Variants in CHN2 observed in about 807,000 individuals in gnomAD.
CHN2 encodes chimerin 2, also known as beta-chimaerin.
CHN2 carries 35 observed loss-of-function variants against 56.3 expected under a neutral mutation model. The ratio of observed to expected loss-of-function variants is 0.62; its 90% CI spans 0.47 to 0.82. CHN2 has a LOEUF of 0.82. CHN2 is among the 40% of genes least tolerant of loss of function. The pLI is 0.00. For missense variants in CHN2, 491 were observed against 580.5 expected (o/e 0.85, Z 1.58); for synonymous variants, 210 against 212.8 (o/e 0.99, Z 0.12).
chr7:29,339,919 A>G (rs1012406336), intron 1 of CHN2, among the ~76,000 whole-genome samples: 15 of 152,140 alleles, frequency 9.9e-5, no homozygotes, highest in African/African-American at 3.6e-4. Context: ...TAGCAATATA[A>G]TAAGGCTATG....
chr7:29,432,107 C>T (rs758427675), intron 6 of CHN2, among the ~76,000 whole-genome samples: 26 of 152,122 alleles, frequency 1.7e-4, no homozygotes, highest in Non-Finnish European at 2.5e-4. Flanking sequence ...AGTGTTCAAC[C>T]ACCTTCCCTG....
chr7:29,214,369 T>C lies in CHN2; in HGVS notation c.49+19379T>C, dbSNP rs1785183880. ...ACCCTCTCCCTAGTCCTCTGGCCCG[T>C]CATTCCCTTTTATCCATATGTTATA... On this transcript the variant is annotated intron_variant, in intron 1 of 12. Transcript: ENST00000222792. Among the ~76,000 whole-genome samples, 5 of 152,172 alleles carry C rather than the reference T, an allele frequency of 3.3e-5. No individual in the cohort carries two copies. The South Asian group carries it at 1.0e-3, about 32-fold the overall frequency.
At chr7:29,503,351 A>G (rs1790187615) in intron 9 of CHN2, among the ~76,000 whole-genome samples, 1 of 152,236 alleles carries the variant, frequency 6.6e-6, no homozygotes, top group Non-Finnish European at 1.5e-5. Context: ...TGATTCATCC[A>G]TCAACAGGCA....
chr7:29,230,178 C>T (rs1786560445), intron 1 of CHN2, among the ~76,000 whole-genome samples: 1 of 152,014 alleles, frequency 6.6e-6, no homozygotes, highest in African/African-American at 2.4e-5. Flanking sequence ...AGAAGGCTAT[C>T]TAAGATCATT....
intron 6 of CHN2, among the ~76,000 whole-genome samples, chr7:29,467,033 T>A (rs1362359): frequency 0.12 from 17,866 of 152,194 alleles, 1,107 homozygotes; most frequent in South Asian, 0.2. Context: ...TATTCTACAT[T>A]TTTTTATGAA....
chr7:29,195,112 C>CA (rs1214110645), intron 1 of CHN2, 122 bp downstream of exon 1: 2 of 1,066,016 alleles, frequency 1.9e-6, no homozygotes, highest in East Asian at 6.1e-5. Context: ...GGAATGGGGG[C>CA]AGGCGTCCGG....
intron 7 of CHN2, among the ~76,000 whole-genome samples, chr7:29,484,718 C>T (rs1787760943): frequency 6.6e-6 from 1 of 152,148 alleles, no homozygotes; most frequent in Admixed American, 6.5e-5. Flanking sequence ...GAGTGAAGCA[C>T]ACCTTTCGGG....
At chr7:29,155,876 A>G (rs1291283577) in intron 2 of CHN2, among the ~76,000 whole-genome samples, 1 of 152,172 alleles carries the variant, frequency 6.6e-6, no homozygotes, top group Non-Finnish European at 1.5e-5. Flanking sequence ...TTCAGACCAC[A>G]TCGGAGCGTC....
At chr7:29,277,635 T>C (rs977368995) in intron 1 of CHN2, among the ~76,000 whole-genome samples, 1 of 152,216 alleles carries the variant, frequency 6.6e-6, no homozygotes, top group South Asian at 2.1e-4. Flanking sequence ...GTCTTTGAGC[T>C]GTCCTGAACC....
intron 6 of CHN2, among the ~76,000 whole-genome samples, chr7:29,444,648 G>A (rs920583691): frequency 6.6e-6 from 1 of 152,194 alleles, no homozygotes; most frequent in African/African-American, 2.4e-5. Flanking sequence ...CATCTTTTCT[G>A]CCATATCTTT....
intron 6 of CHN2, 106 bp downstream of exon 6, chr7:29,400,934 C>T (rs1802150954): frequency 3.6e-6 from 4 of 1,118,972 alleles, no homozygotes; most frequent in South Asian, 1.6e-5. Flanking sequence ...AGACCCACCC[C>T]CACCCGAAGA....
chr7:29,398,648 G>A (rs1801961273), intron 5 of CHN2, among the ~76,000 whole-genome samples, 162 bp downstream of exon 5: 2 of 152,122 alleles, frequency 1.3e-5, no homozygotes. Context: ...CCAGGCTGGA[G>A]TGCAGTGGCA....
intron 3 of CHN2, among the ~76,000 whole-genome samples, chr7:29,381,156 G>A (rs565478351): frequency 7.6e-4 from 115 of 152,206 alleles, no homozygotes; most frequent in African/African-American, 2.5e-3. Context: ...CTGTTTGGTC[G>A]ATCAGAAGTG....
At chr7:29,202,320 G>A (rs1317893739) in intron 1 of CHN2, among the ~76,000 whole-genome samples, 1 of 152,172 alleles carries the variant, frequency 6.6e-6, no homozygotes. Flanking sequence ...CAAAGCAAAT[G>A]CATTGGTTTT....
intron 1 of CHN2, among the ~76,000 whole-genome samples, chr7:29,342,510 G>A (rs1426063878): frequency 2.0e-5 from 3 of 152,150 alleles, no homozygotes; most frequent in Admixed American, 1.3e-4. Context: ...GTCTGTCATT[G>A]CCACAACCAT....
intron 6 of CHN2, among the ~76,000 whole-genome samples, chr7:29,420,313 T>G (rs1206562335): frequency 6.6e-6 from 1 of 152,184 alleles, no homozygotes; most frequent in African/African-American, 2.4e-5. Flanking sequence ...AAAGAGAAAT[T>G]TGTATACCCA....
In CHN2 at chr7:29,512,969, T is replaced by TG. The variant is rs1269369869; in HGVS notation, c.*235dup. On this transcript the variant is annotated 3_prime_UTR_variant, in exon 13 of 13. Coordinates refer to ENST00000222792, the MANE Select transcript of CHN2 (RefSeq NM_004067.4). ...CTTGGGTCTTTTGCTGTGCCTCCTA[T>TG]GTATGTCTGGTTTGCTGGAAGAGTG... 3.1e-5 allele frequency: 13 copies of TG among 424,710 alleles called. No homozygotes were observed. Among genetic ancestry groups the TG allele is most frequent in the East Asian group, 2.2e-4 (6 of 27,470 alleles). 26.3% of individuals were successfully genotyped at this position (424,710 alleles called of 1,614,324 possible).
rs149584304 is a variant in CHN2 at position 29,223,940 on chromosome 7, T to C, written c.49+28950T>C. On this transcript the variant is annotated intron_variant, in intron 1 of 12. Transcript: ENST00000222792. The stretch of plus-strand genomic sequence containing the variant: ...TACCCATGCACCATTTCTTATTGAC[T>C]TAAAACTCTTAAAATTCTTTTGACT... 1.9e-3 allele frequency among the ~76,000 whole-genome samples: 296 copies of C among 152,332 alleles called. 1 individual carries two copies. Among genetic ancestry groups the C allele is most frequent in the African/African-American group, 6.3e-3 (263 of 41,576 alleles).
intron 1 of CHN2, among the ~76,000 whole-genome samples, chr7:29,307,146 A>C (rs779477168): frequency 3.2e-4 from 48 of 152,370 alleles, no homozygotes; most frequent in Admixed American, 6.5e-5. Flanking sequence ...TGAGAAGCTC[A>C]GTTGTCTGTA....
Sources: allele counts gnomAD v4.1 joint callset (sites outside exome capture counted in the v4.1 genomes callset), GRCh38; gene constraint gnomAD v4.1.1; transcripts MANE v1.5; gene names NCBI Gene and HGNC (gene_info 2026-07-23, HGNC 2026-07-21).